The following PARD3B variants were observed in gnomAD, a reference collection of about 807,000 sequenced individuals.
PARD3B encodes the protein partitioning defective 3 homolog B.
In PARD3B, 103 loss-of-function variants were observed where a neutral mutation model predicts 130.2. That is an observed-to-expected ratio of 0.79 (90% CI 0.67 to 0.93). PARD3B has a LOEUF of 0.93. PARD3B is among the 40% of genes least tolerant of loss of function. The pLI, the probability that PARD3B is intolerant of heterozygous loss-of-function variation, is 0.00. For missense variants in PARD3B, 1,609 were observed against 1,499.2 expected (o/e 1.07, Z -1.21); for synonymous variants, 583 against 553.2 (o/e 1.05, Z -0.76).
intron 19 of PARD3B, among the ~76,000 whole-genome samples, chr2:205,406,742 C>G (rs896085826): frequency 6.9e-6 from 1 of 144,252 alleles, no homozygotes; most frequent in African/African-American, 2.6e-5. Context: ...ATGATCTCGG[C>G]TCACTGCAAC....
At chr2:205,489,183 T>C (rs553861606) in intron 20 of PARD3B, among the ~76,000 whole-genome samples, 2 of 152,192 alleles carry the variant, frequency 1.3e-5, no homozygotes, top group Admixed American at 1.3e-4. Flanking sequence ...AAGTTTCTTC[T>C]GTGACACCCA....
At chr2:205,378,723 C>G (rs993634046) in intron 18 of PARD3B, among the ~76,000 whole-genome samples, 1 of 151,788 alleles carries the variant, frequency 6.6e-6, no homozygotes, top group East Asian at 1.9e-4. Flanking sequence ...CCTCCGCCTC[C>G]CAGGTTCAAG....
intron 4 of PARD3B, among the ~76,000 whole-genome samples, chr2:205,093,676 G>C (rs530530535): frequency 6.6e-5 from 10 of 152,128 alleles, no homozygotes; most frequent in Non-Finnish European, 1.5e-4. Flanking sequence ...ACCACTGCCT[G>C]CCTACTTGGA....
chr2:204,885,936 T>C (rs1363566686), intron 2 of PARD3B, among the ~76,000 whole-genome samples: 1 of 152,180 alleles, frequency 6.6e-6, no homozygotes, highest in Non-Finnish European at 1.5e-5. Context: ...CTCAGCACAA[T>C]GGTCACCACA....
In PARD3B at chr2:204,907,577, A is replaced by G; in HGVS notation, c.223-57575A>G. Among the ~76,000 whole-genome samples, 1 of 152,192 alleles carries G rather than the reference A, an allele frequency of 6.6e-6. No individual in the cohort carries two copies. Among genetic ancestry groups the G allele is most frequent in the East Asian group, 1.9e-4 (1 of 5,194 alleles). ...ACATTGGGGGCTCAGCCAAAGCCTT[A>G]GTTTCATGGAATTCGGAGTTTGATC... On this transcript the variant is annotated intron_variant, in intron 2 of 22. Coordinates refer to ENST00000406610, the MANE Select transcript of PARD3B (RefSeq NM_001302769.2). This position sits in a 1 kb window ranked among gnomAD's most constrained non-coding sequence, Gnocchi z 5.7.
At chr2:204,997,816 G>A (rs1694355542) in intron 3 of PARD3B, among the ~76,000 whole-genome samples, 1 of 150,178 alleles carries the variant, frequency 6.7e-6, no homozygotes. Context: ...TTTTAGTTTT[G>A]CTATACATTT....
intron 19 of PARD3B, among the ~76,000 whole-genome samples, chr2:205,402,941 G>A (rs2046302433): frequency 6.6e-6 from 1 of 152,086 alleles, no homozygotes; most frequent in South Asian, 2.1e-4. Context: ...AACAGCTCAG[G>A]GGCTGAGAGC....
At chr2:205,517,472 CTTCT>C (rs1406716844) in intron 21 of PARD3B, among the ~76,000 whole-genome samples, 1 of 151,888 alleles carries the variant, frequency 6.6e-6, no homozygotes, top group African/African-American at 2.4e-5. Context: ...TCTCCTTTTT[CTTCT>C]TTATTAGTCT....
chr2:204,566,565 A>G (rs898143894), intron 1 of PARD3B, among the ~76,000 whole-genome samples: 1 of 152,254 alleles, frequency 6.6e-6, no homozygotes, highest in Non-Finnish European at 1.5e-5. Flanking sequence ...CTGCATTAAA[A>G]AAAATCAATT....
chr2:205,546,871 T>A (rs2052402625), intron 21 of PARD3B, among the ~76,000 whole-genome samples: 1 of 152,160 alleles, frequency 6.6e-6, no homozygotes, highest in Non-Finnish European at 1.5e-5. Context: ...AATCATGTTT[T>A]AAAATATATC....
At chr2:205,442,236 A>G (rs536016578) in intron 20 of PARD3B, among the ~76,000 whole-genome samples, 4 of 152,074 alleles carry the variant, frequency 2.6e-5, no homozygotes, top group African/African-American at 7.2e-5. Flanking sequence ...CACAAGTCCA[A>G]TACATATGGG....
At chr2:205,381,922 C>T (rs2045464269) in intron 18 of PARD3B, among the ~76,000 whole-genome samples, 1 of 151,984 alleles carries the variant, frequency 6.6e-6, no homozygotes, top group Non-Finnish European at 1.5e-5. Flanking sequence ...CTCTCCTTTT[C>T]CTTCTTGTTG....
chr2:204,687,823 G>C (rs1465826160), intron 2 of PARD3B, among the ~76,000 whole-genome samples: 3 of 152,078 alleles, frequency 2.0e-5, no homozygotes, highest in Non-Finnish European at 4.4e-5. Context: ...CTGATGTCCA[G>C]AACATTAAAA....
intron 18 of PARD3B, among the ~76,000 whole-genome samples, chr2:205,382,403 G>A (rs2045485354): frequency 6.6e-6 from 1 of 152,074 alleles, no homozygotes; most frequent in Non-Finnish European, 1.5e-5. Flanking sequence ...TGATGTTGAT[G>A]TATCTTATAA....
At chr2:205,489,863 A>C (rs2049623649) in intron 20 of PARD3B, among the ~76,000 whole-genome samples, 1 of 152,126 alleles carries the variant, frequency 6.6e-6, no homozygotes, top group South Asian at 2.1e-4. Flanking sequence ...ACAGAAGCAG[A>C]ATGTTCTGAT....
intron 16 of PARD3B, among the ~76,000 whole-genome samples, chr2:205,260,038 T>C (rs1574528670): frequency 6.6e-6 from 1 of 152,300 alleles, no homozygotes; most frequent in South Asian, 2.1e-4. Context: ...TGTCACTATC[T>C]CAGCCACCCA....
intron 2 of PARD3B, among the ~76,000 whole-genome samples, chr2:204,822,225 A>T (rs2043388757): frequency 6.6e-6 from 1 of 152,240 alleles, no homozygotes; most frequent in Non-Finnish European, 1.5e-5. Context: ...AAGTAACTGC[A>T]GATGTGGTAG....
At position 205,395,197 on chromosome 2, in the gene PARD3B, T is replaced by C. The variant is rs540943090; in HGVS notation, c.2631-5816T>C. ...CAGCCAACCATTACCCAGTCTATAA[T>C]GGTTGTACAGACACTTATACTTACC... On this transcript the variant is annotated intron_variant, in intron 18 of 22. Coordinates refer to ENST00000406610, the MANE Select transcript of PARD3B (RefSeq NM_001302769.2). 2.6e-5 allele frequency among the ~76,000 whole-genome samples: 4 copies of C among 152,244 alleles called. No homozygotes were observed. The East Asian group carries it at 7.7e-4, about 29-fold the overall frequency.
intron 2 of PARD3B, among the ~76,000 whole-genome samples, chr2:204,723,659 G>A (rs2039093461): frequency 6.6e-6 from 1 of 152,058 alleles, no homozygotes; most frequent in South Asian, 2.1e-4. Flanking sequence ...AAATAGGATA[G>A]GAAATCATGA....
Sources: allele counts gnomAD v4.1 joint callset (sites outside exome capture counted in the v4.1 genomes callset), GRCh38; gene constraint gnomAD v4.1.1; non-coding constraint Gnocchi (gnomAD v3.1); transcripts MANE v1.5; gene names NCBI Gene and HGNC (gene_info 2026-07-23, HGNC 2026-07-21).